The following ALDH1A1 variants were observed in gnomAD, a reference collection of about 807,000 sequenced individuals.
ALDH1A1 encodes aldehyde dehydrogenase 1A1.
A neutral mutation model predicts 62.1 loss-of-function variants in ALDH1A1; 19 were observed. The observed-to-expected ratio is 0.31, with a 90% CI of 0.21 to 0.45. ALDH1A1 has a LOEUF of 0.45. ALDH1A1 is among the 20% of genes least tolerant of loss of function. ALDH1A1 has a pLI of 1.00. For missense variants in ALDH1A1, 521 were observed against 607.1 expected (o/e 0.86, Z 1.49); for synonymous variants, 231 against 215.9 (o/e 1.07, Z -0.61).
Position 72,901,167 on chromosome 9 carries a change from G to A in ALDH1A1, c.*41C>T. The A allele has an allele frequency of 6.9e-7, 1 of 1,440,702 alleles. No homozygotes were observed. Among genetic ancestry groups the A allele is most frequent in the Non-Finnish European group, 9.7e-7 (1 of 1,026,000 alleles). The allele number at this position is 1,440,702 out of a possible 1,614,324, so 89.2% of individuals were successfully genotyped here. On this transcript the variant is annotated 3_prime_UTR_variant, in exon 13 of 13. Coordinates refer to ENST00000297785, the MANE Select transcript of ALDH1A1 (RefSeq NM_000689.5). ...ACTATATTAGTGACTGTAAGGAGAT[G>A]CTTAGCTATTGAAGAGCTTCTCTCC...
intron 7 of ALDH1A1, among the ~76,000 whole-genome samples, chr9:72,920,909 T>C (rs1489128421): frequency 6.6e-6 from 1 of 152,182 alleles, no homozygotes; most frequent in Non-Finnish European, 1.5e-5. Context: ...ATGAAAATGG[T>C]CTAGCTTATT....
chr9:72,929,462 A>T (rs1403881959), intron 3 of ALDH1A1, among the ~76,000 whole-genome samples: 1 of 152,188 alleles, frequency 6.6e-6, no homozygotes, highest in Non-Finnish European at 1.5e-5. Context: ...TTTACATTCC[A>T]TCTGGATATA....
chr9:72,918,851 CT>C, intron 7 of ALDH1A1, 29 bp from the exon 8 acceptor site: 1 of 1,526,278 alleles, frequency 6.6e-7, no homozygotes, highest in Non-Finnish European at 9.1e-7. Context: ...AAGGAGGAGG[CT>C]TACCCTGCTC....
intron 1 of ALDH1A1, among the ~76,000 whole-genome samples, chr9:72,949,340 G>A (rs572092214): frequency 6.6e-6 from 1 of 152,016 alleles, no homozygotes; most frequent in African/African-American, 2.4e-5. Flanking sequence ...GCAAATGAAA[G>A]TCAGGATGAA....
At chr9:72,920,479 T>A (rs1044146848) in intron 7 of ALDH1A1, among the ~76,000 whole-genome samples, 2 of 148,438 alleles carry the variant, frequency 1.3e-5, no homozygotes, top group African/African-American at 2.6e-5. Context: ...TCTTTCTGAA[T>A]TTTTTTTATT....
intron 2 of ALDH1A1, 139 bp downstream of exon 2, chr9:72,940,009 T>G: frequency 1.8e-6 from 1 of 550,054 alleles, no homozygotes; most frequent in East Asian, 3.1e-5. Context: ...CAAGGACAAC[T>G]TAGACAATTT....
chr9:72,943,171 A>G (rs1411412493), intron 1 of ALDH1A1, among the ~76,000 whole-genome samples: 2 of 152,124 alleles, frequency 1.3e-5, no homozygotes, highest in African/African-American at 4.8e-5. Context: ...TCACCCTTCT[A>G]CAATGTAATT....
chr9:72,952,470 T>TC (rs2118591311), intron 1 of ALDH1A1, among the ~76,000 whole-genome samples: 1 of 152,102 alleles, frequency 6.6e-6, no homozygotes, highest in African/African-American at 2.4e-5. Flanking sequence ...CAGACTTAAG[T>TC]CCCCCTATTT....
At chr9:72,918,899 G>A in intron 7 of ALDH1A1, 77 bp from the exon 8 acceptor site, 2 of 1,001,886 alleles carry the variant, frequency 2.0e-6, no homozygotes, top group Non-Finnish European at 3.0e-6. Flanking sequence ...CTAAATTTAT[G>A]TGATGTTTGT....
intron 1 of ALDH1A1, among the ~76,000 whole-genome samples, chr9:72,945,654 A>G (rs1033443814): frequency 3.3e-5 from 5 of 151,946 alleles, no homozygotes; most frequent in African/African-American, 1.2e-4. Flanking sequence ...GGAGTATGAG[A>G]TCGGAGATGA....
chr9:72,914,368 C>A (rs557182939), intron 9 of ALDH1A1, among the ~76,000 whole-genome samples: 1 of 152,216 alleles, frequency 6.6e-6, no homozygotes, highest in East Asian at 1.9e-4. Context: ...GCATGTGGAC[C>A]AAGCACTCTG....
At position 72,901,104 on chromosome 9, in the gene ALDH1A1, A is replaced by G; in HGVS notation, c.*104T>C. ...ACTAATATGATTTAGCTTATGTTTA[A>G]AAAAATCAAGAAAAGAAAAATTTTG... is the stretch of plus-strand genomic sequence containing the variant. On this transcript the variant is annotated 3_prime_UTR_variant, in exon 13 of 13. Coordinates refer to ENST00000297785, the MANE Select transcript of ALDH1A1 (RefSeq NM_000689.5). 2 of 798,442 alleles carry G rather than the reference A, an allele frequency of 2.5e-6. No homozygotes were observed. The highest frequency in any genetic ancestry group is 3.9e-6 in the Non-Finnish European group (2 of 512,638). 49.5% of individuals were successfully genotyped at this position (798,442 alleles called of 1,614,324 possible).
At chr9:72,928,029 G>T (rs140797564) in intron 4 of ALDH1A1, among the ~76,000 whole-genome samples, 132 of 64,104 alleles carry the variant, frequency 2.1e-3, no homozygotes, top group Middle Eastern at 6.9e-3. Context: ...CTCCCATTTT[G>T]TCCCGGAGTA....
At chr9:72,916,044 T>C (rs1479585802) in intron 9 of ALDH1A1, among the ~76,000 whole-genome samples, 1 of 152,160 alleles carries the variant, frequency 6.6e-6, no homozygotes, top group Non-Finnish European at 1.5e-5. Context: ...GATAATTCTT[T>C]GTCATGGGGC....
chr9:72,912,211 G>C, intron 9 of ALDH1A1, 89 bp from the exon 10 acceptor site: 1 of 1,086,528 alleles, frequency 9.2e-7, no homozygotes, highest in Non-Finnish European at 1.3e-6. Flanking sequence ...GCTTCAAAAT[G>C]CTAAAATATT....
At chr9:72,910,376 A>G (rs1334899772) in intron 10 of ALDH1A1, among the ~76,000 whole-genome samples, 2 of 152,180 alleles carry the variant, frequency 1.3e-5, no homozygotes, top group Non-Finnish European at 2.9e-5. Flanking sequence ...GGCAACTTAA[A>G]TATATCAAAC....
At chr9:72,920,860 C>A (rs1042686282) in intron 7 of ALDH1A1, among the ~76,000 whole-genome samples, 1 of 152,184 alleles carries the variant, frequency 6.6e-6, no homozygotes, top group African/African-American at 2.4e-5. Flanking sequence ...TTCCATGATA[C>A]TGTGGCATTG....
At chr9:72,922,648 C>T (rs1285134808) in intron 7 of ALDH1A1, among the ~76,000 whole-genome samples, 1 of 152,186 alleles carries the variant, frequency 6.6e-6, no homozygotes, top group Non-Finnish European at 1.5e-5. Context: ...CCATCCCTGG[C>T]CATGGGTTGG....
chr9:72,929,101 A>C, intron 3 of ALDH1A1, 80 bp from the exon 4 acceptor site: 3 of 1,461,606 alleles, frequency 2.1e-6, no homozygotes, highest in East Asian at 2.5e-5. Flanking sequence ...TTCAGCAATC[A>C]TGTGCTAGGG....
Sources: allele counts gnomAD v4.1 joint callset (sites outside exome capture counted in the v4.1 genomes callset), GRCh38; gene constraint gnomAD v4.1.1; transcripts MANE v1.5; gene names NCBI Gene and HGNC (gene_info 2026-07-23, HGNC 2026-07-21).